The following GPC5 variants were observed in gnomAD, a reference collection of about 807,000 sequenced individuals.
The protein encoded by GPC5 is glypican-5.
A neutral mutation model predicts 53.9 loss-of-function variants in GPC5; 47 were observed. That is an observed-to-expected ratio of 0.87 (90% CI 0.69 to 1.11). The LOEUF (loss-of-function observed/expected upper bound fraction) is 1.11. Ranked by LOEUF, GPC5 falls within the 50% of genes most tolerant of loss-of-function variation. The probability of loss-of-function intolerance (pLI) is 0.00; values close to 1 mark genes in which losing one functional copy is unlikely to be tolerated. For synonymous variants in GPC5, 286 were observed against 263.3 expected, an observed-to-expected ratio of 1.09 and a Z score of -0.84; for missense variants, 748 against 713.1, an observed-to-expected ratio of 1.05 and a Z score of -0.56.
At chr13:91,870,215 A>G (rs891882485) in intron 5 of GPC5, among the ~76,000 whole-genome samples, 2 of 152,126 alleles carry the variant, frequency 1.3e-5, no homozygotes, top group Non-Finnish European at 2.9e-5. Flanking sequence ...CTCTCTAAAG[A>G]TGAAGAACTC....
At chr13:92,059,982 AC>A (rs2041108845) in intron 6 of GPC5, 1 of 151,680 alleles carries the variant, frequency 6.6e-6, no homozygotes, top group South Asian at 2.1e-4. Context: ...TAAAAAAAAA[AC>A]ACTTTAAAAA....
At chr13:92,609,821 A>G (rs1884374678) in intron 7 of GPC5, among the ~76,000 whole-genome samples, 1 of 152,106 alleles carries the variant, frequency 6.6e-6, no homozygotes, top group South Asian at 2.1e-4. Context: ...TCACAAGGTC[A>G]GGAGTTCGAG....
At chr13:92,520,061 C>T (rs1054343798) in intron 7 of GPC5, among the ~76,000 whole-genome samples, 25 of 152,116 alleles carry the variant, frequency 1.6e-4, no homozygotes, top group Admixed American at 9.2e-4. Flanking sequence ...CACATACACC[C>T]TTCCAAGACT....
intron 7 of GPC5, among the ~76,000 whole-genome samples, chr13:92,726,727 G>A (rs905864204): frequency 6.6e-6 from 1 of 151,428 alleles, no homozygotes; most frequent in African/African-American, 2.4e-5. Context: ...AGCAAAAGTT[G>A]GATTCTGAAA....
chr13:92,119,843 A>G (rs1469797361), intron 6 of GPC5, among the ~76,000 whole-genome samples: 2 of 152,000 alleles, frequency 1.3e-5, no homozygotes, highest in African/African-American at 2.4e-5. Context: ...AAATATTTGT[A>G]TTAAGTGTAT....
chr13:91,982,200 G>T (rs766114020), intron 6 of GPC5, among the ~76,000 whole-genome samples: 74 of 152,122 alleles, frequency 4.9e-4, no homozygotes, highest in Non-Finnish European at 1.0e-3. Flanking sequence ...TGTTATAAGG[G>T]ACTACTGACT....
chr13:92,112,625 G>T (rs898166747), intron 6 of GPC5, among the ~76,000 whole-genome samples: 23 of 152,216 alleles, frequency 1.5e-4, no homozygotes, highest in African/African-American at 5.5e-4. Flanking sequence ...TAAAAAAGCA[G>T]AAGTGGATAT....
At chr13:91,470,476 C>T (rs1397104521) in intron 2 of GPC5, among the ~76,000 whole-genome samples, 2 of 152,102 alleles carry the variant, frequency 1.3e-5, no homozygotes, top group African/African-American at 4.8e-5. Flanking sequence ...GTGTAGATTA[C>T]ATGCTGATTT....
chr13:92,718,303 G>A (rs1888397039), intron 7 of GPC5, among the ~76,000 whole-genome samples: 1 of 152,116 alleles, frequency 6.6e-6, no homozygotes, highest in Admixed American at 6.6e-5. Flanking sequence ...AGCAACAGAA[G>A]TGTTCATCGG....
At chr13:92,440,408 T>C (rs1338071418) in intron 7 of GPC5, among the ~76,000 whole-genome samples, 1 of 152,180 alleles carries the variant, frequency 6.6e-6, no homozygotes, top group East Asian at 1.9e-4. Flanking sequence ...ACCAGCTGCA[T>C]CTATGTTGCT....
chr13:92,205,233 T>C (rs1160021220), intron 7 of GPC5, among the ~76,000 whole-genome samples: 1 of 151,838 alleles, frequency 6.6e-6, no homozygotes, highest in Non-Finnish European at 1.5e-5. Context: ...ACAGTTTTGC[T>C]CTTATTGCCC....
At chr13:92,344,037 T>G (rs998961777) in intron 7 of GPC5, among the ~76,000 whole-genome samples, 3 of 151,848 alleles carry the variant, frequency 2.0e-5, no homozygotes, top group Admixed American at 6.6e-5. Flanking sequence ...ACCTCAACAT[T>G]TGGGGAGTGG....
At chr13:92,837,962 G>A (rs1418694829) in intron 7 of GPC5, among the ~76,000 whole-genome samples, 2 of 151,994 alleles carry the variant, frequency 1.3e-5, no homozygotes, top group African/African-American at 4.8e-5. Context: ...AGGCGTGGTG[G>A]CGCATGCCTG....
At chr13:92,385,776 C>T (rs1312884627) in intron 7 of GPC5, among the ~76,000 whole-genome samples, 1 of 136,534 alleles carries the variant, frequency 7.3e-6, no homozygotes, top group African/African-American at 2.7e-5. Flanking sequence ...CGTATATATA[C>T]ATATATGTAT....
At chr13:92,165,334 TAA>T (rs1274356433) in intron 7 of GPC5, among the ~76,000 whole-genome samples, 8 of 152,236 alleles carry the variant, frequency 5.3e-5, no homozygotes, top group Admixed American at 1.3e-4. Context: ...TGAATGCTTT[TAA>T]GAGTTTCCGG....
intron 7 of GPC5, among the ~76,000 whole-genome samples, chr13:92,426,678 A>G (rs1179053292): frequency 1.3e-5 from 2 of 152,040 alleles, no homozygotes; most frequent in African/African-American, 2.4e-5. Flanking sequence ...GTTTAGCTTC[A>G]CTCAGTATAG....
chr13:92,509,684 A>C (rs1880495475), intron 7 of GPC5: 1 of 152,138 alleles, frequency 6.6e-6, no homozygotes, highest in Non-Finnish European at 1.5e-5. Context: ...GAAATAACTG[A>C]TTTCAAGACA....
intron 7 of GPC5, among the ~76,000 whole-genome samples, chr13:92,320,214 G>C (rs1241187588): frequency 1.3e-5 from 2 of 152,104 alleles, no homozygotes; most frequent in African/African-American, 4.8e-5. Context: ...GTAAAGGCAT[G>C]TTAGCATAAT....
chr13:92,023,218 A>T (rs2040773248), intron 6 of GPC5, among the ~76,000 whole-genome samples: 6 of 152,022 alleles, frequency 3.9e-5, no homozygotes, highest in South Asian at 2.1e-4. Context: ...TCTAGTTAGG[A>T]TCTGGTCAAT....
Sources: allele counts gnomAD v4.1 joint callset (sites outside exome capture counted in the v4.1 genomes callset), GRCh38; gene constraint gnomAD v4.1.1; transcripts MANE v1.5; gene names NCBI Gene and HGNC (gene_info 2026-07-23, HGNC 2026-07-21).